The following CSNK1G3 variants were observed in gnomAD, a reference collection of about 807,000 sequenced individuals.
CSNK1G3 encodes casein kinase 1 gamma 3.
A neutral mutation model predicts 64.3 loss-of-function variants in CSNK1G3; 23 were observed. The observed-to-expected ratio is 0.36, with a 90% CI of 0.26 to 0.51. CSNK1G3 has a LOEUF of 0.51. CSNK1G3 is among the 20% of genes least tolerant of loss of function. The probability of loss-of-function intolerance (pLI) is 0.96; values close to 1 mark genes in which losing one functional copy is unlikely to be tolerated. For synonymous variants in CSNK1G3, 158 were observed against 162.2 expected (o/e 0.97, Z 0.20); for missense variants, 357 against 510.5 (o/e 0.70, Z 2.90).
At chr5:123,554,567 T>G (rs1193245739) in intron 3 of CSNK1G3, among the ~76,000 whole-genome samples, 4 of 152,200 alleles carry the variant, frequency 2.6e-5, no homozygotes, top group Admixed American at 6.5e-5. Flanking sequence ...TACTGTGGGA[T>G]CCGCCTGCCT....
intron 12 of CSNK1G3, among the ~76,000 whole-genome samples, chr5:123,613,188 CTT>C (rs75122100): frequency 1.2e-4 from 17 of 140,066 alleles, no homozygotes; most frequent in Admixed American, 2.8e-4. Flanking sequence ...TAATTTTTTT[CTT>C]TTTTTTTTTT....
intron 2 of CSNK1G3, 146 bp downstream of exon 2, chr5:123,545,987 T>C: frequency 1.3e-6 from 1 of 747,062 alleles, no homozygotes; most frequent in Non-Finnish European, 2.1e-6. Flanking sequence ...GAAATTTCTT[T>C]TGTAGTTGTA....
chr5:123,592,092 A>G (rs1344695211), intron 10 of CSNK1G3, among the ~76,000 whole-genome samples: 1 of 152,050 alleles, frequency 6.6e-6, no homozygotes, highest in Non-Finnish European at 1.5e-5. Flanking sequence ...ATTACATGAA[A>G]CACTAATAAA....
chr5:123,545,666 G>A, exon 2 of CSNK1G3: 1 of 1,610,838 alleles, frequency 6.2e-7, no homozygotes, highest in Non-Finnish European at 8.5e-7. Context: ...AACTTGATAT[G>A]GAAAATAAAA....
intron 6 of CSNK1G3, among the ~76,000 whole-genome samples, chr5:123,584,312 C>A (rs1790906821): frequency 6.6e-6 from 1 of 151,982 alleles, no homozygotes; most frequent in Non-Finnish European, 1.5e-5. Context: ...TAGTTGTTGT[C>A]AGGATGAAGT....
Position 123,612,216 on chromosome 5 carries a change from G to A in CSNK1G3, c.1218-2126G>A, listed in dbSNP as rs147894173. Among the ~76,000 whole-genome samples, 16 of 152,164 alleles carry A rather than the reference G, an allele frequency of 1.1e-4. No individual in the cohort carries two copies. In the East Asian group the frequency reaches 1.7e-3, roughly 17 times the overall value. On this transcript the variant is annotated intron_variant, in intron 12 of 12. Transcript: ENST00000345990. The stretch of plus-strand genomic sequence containing the variant: ...TTATTTACATTCCACGGTCTAGTCG[G>A]TGTTTACTGTTTGGTTTACTTAAAA...
At chr5:123,573,669 C>T in intron 5 of CSNK1G3, 128 bp downstream of exon 5, 4 of 697,318 alleles carry the variant, frequency 5.7e-6, no homozygotes, top group Non-Finnish European at 8.8e-6. Flanking sequence ...AATGTTTCTA[C>T]TTTTCATGTT....
intron 1 of CSNK1G3, among the ~76,000 whole-genome samples, chr5:123,518,200 A>G (rs1777513814): frequency 6.6e-6 from 1 of 152,200 alleles, no homozygotes; most frequent in South Asian, 2.1e-4. Context: ...CCCTTGATAT[A>G]TACCAGGAGC....
chr5:123,541,159 A>G (rs1245004027), intron 1 of CSNK1G3, among the ~76,000 whole-genome samples: 1 of 152,186 alleles, frequency 6.6e-6, no homozygotes, highest in Non-Finnish European at 1.5e-5. Context: ...AAATCATGCT[A>G]TTAAAAAATT....
intron 1 of CSNK1G3, among the ~76,000 whole-genome samples, chr5:123,524,666 C>T (rs1778719487): frequency 6.6e-6 from 1 of 152,048 alleles, no homozygotes; most frequent in African/African-American, 2.4e-5. Context: ...TAATATTCCT[C>T]AAGAAGAAAA....
At chr5:123,547,363 TAAC>T (rs1474528906) in intron 2 of CSNK1G3, among the ~76,000 whole-genome samples, 1 of 152,104 alleles carries the variant, frequency 6.6e-6, no homozygotes, top group African/African-American at 2.4e-5. Context: ...TATTTCAAAA[TAAC>T]TACACACACA....
intron 10 of CSNK1G3, among the ~76,000 whole-genome samples, chr5:123,597,282 C>T (rs746019286): frequency 9.2e-5 from 14 of 151,988 alleles, no homozygotes; most frequent in Non-Finnish European, 1.6e-4. Flanking sequence ...GATGCAAAGA[C>T]TTTATATGGC....
intron 10 of CSNK1G3, among the ~76,000 whole-genome samples, chr5:123,600,470 CA>C (rs1259051569): frequency 6.6e-6 from 1 of 151,746 alleles, no homozygotes; most frequent in East Asian, 1.9e-4. Flanking sequence ...ACTAAAAATA[CA>C]AAAATTAGCC....
At chr5:123,519,758 T>C (rs1777766028) in intron 1 of CSNK1G3, among the ~76,000 whole-genome samples, 1 of 152,160 alleles carries the variant, frequency 6.6e-6, no homozygotes, top group Admixed American at 6.5e-5. Context: ...GGAAGGACCA[T>C]AGGATTTTAG....
intron 12 of CSNK1G3, among the ~76,000 whole-genome samples, chr5:123,613,605 C>G (rs1031761204): frequency 2.6e-5 from 4 of 152,044 alleles, no homozygotes; most frequent in Non-Finnish European, 4.4e-5. Context: ...CTCCTGAGCT[C>G]AAGCAATCCT....
intron 10 of CSNK1G3, among the ~76,000 whole-genome samples, chr5:123,595,620 A>G (rs1793286885): frequency 6.6e-6 from 1 of 152,056 alleles, no homozygotes; most frequent in Non-Finnish European, 1.5e-5. Flanking sequence ...TTTATAATAC[A>G]TGTTTTGTTT....
chr5:123,553,083 T>C, intron 2 of CSNK1G3, 24 bp from the exon 3 acceptor site: 1 of 1,288,784 alleles, frequency 7.8e-7, no homozygotes. Context: ...ACTGGCAGAA[T>C]CTGATTTTTT....
chr5:123,574,755 G>A (rs763628989), intron 5 of CSNK1G3, among the ~76,000 whole-genome samples: 3 of 152,132 alleles, frequency 2.0e-5, no homozygotes, highest in African/African-American at 4.8e-5. Flanking sequence ...GCTTGAGCCC[G>A]GAGGTTAAAG....
chr5:123,573,521 C>T, exon 5 of CSNK1G3: 3 of 1,611,272 alleles, frequency 1.9e-6, no homozygotes, highest in Non-Finnish European at 2.5e-6. Context: ...TAAAACAGTT[C>T]TCATGATAGC....
Sources: allele counts gnomAD v4.1 joint callset (sites outside exome capture counted in the v4.1 genomes callset), GRCh38; gene constraint gnomAD v4.1.1; transcripts MANE v1.5; gene names NCBI Gene and HGNC (gene_info 2026-07-23, HGNC 2026-07-21).